Variants in SRCIN1 observed in about 807,000 individuals in gnomAD.
The protein encoded by SRCIN1 is SRC kinase signaling inhibitor 1, also known as P130Cas-associated protein.
Under a neutral mutation model 116.2 loss-of-function variants are expected in SRCIN1, and 50 were observed. The ratio of observed to expected loss-of-function variants is 0.43; its 90% CI spans 0.34 to 0.54. SRCIN1 has a LOEUF of 0.54. Among genes scored for constraint, SRCIN1 ranks in the 20% least tolerant of loss-of-function variants. The pLI is 0.02. For synonymous variants in SRCIN1, 736 were observed against 750.0 expected (o/e 0.98, Z 0.30); for missense variants, 1,446 against 1,672.0 (o/e 0.86, Z 2.36).
Position 38,564,365 on chromosome 17 carries a change from C to CCA in SRCIN1, c.346-53_346-52insTG, listed in dbSNP as rs1555609544. The CCA allele has an allele frequency of 4.8e-6, 7 of 1,445,250 alleles. No individual in the cohort carries two copies. In the African/African-American group the frequency reaches 9.9e-5, roughly 21 times the overall value. The allele number at this position is 1,445,250 out of a possible 1,614,324, so 89.5% of individuals were successfully genotyped here. A position where few individuals can be genotyped will look rare whatever the true frequency, so the allele number is the denominator to read the frequency against. On this transcript the variant is annotated intron_variant, in intron 3 of 18. Transcript: ENST00000617146. The stretch of plus-strand genomic sequence containing the variant: ...AACCAAGGATGAGCACCCCCCCTCC[C>CCA]CTTTGCTTGTCACTGCCCATATCCA...
chr17:38,536,552 C>T (rs566055409), intron 18 of SRCIN1, among the ~76,000 whole-genome samples: 11 of 152,308 alleles, frequency 7.2e-5, no homozygotes, highest in Non-Finnish European at 1.3e-4. Flanking sequence ...TCCATGTTCC[C>T]GAGGCCCTTC....
In SRCIN1 at chr17:38,568,001, A is replaced by G. The variant is rs1410024455; in HGVS notation, c.345+210T>C. Among the ~76,000 whole-genome samples, 1 of 152,158 alleles carries G rather than the reference A, an allele frequency of 6.6e-6. No homozygotes were observed. Among genetic ancestry groups the G allele is most frequent in the Admixed American group, 6.5e-5 (1 of 15,278 alleles). ...CCAGATCCCCAGCAGGGGTGGCCCA[A>G]ACTCCTACTCCATCCACAAGCCCCT... On this transcript the variant is annotated intron_variant, in intron 3 of 18. Transcript: ENST00000617146. This position sits in a 1 kb window ranked among gnomAD's most constrained non-coding sequence, Gnocchi z 4.5.
Position 38,562,274 on chromosome 17 carries a change from GGTT to G in SRCIN1, c.886_888del (p.Asn296del), listed in dbSNP as rs1906323353. On this transcript the variant is annotated inframe_deletion, in exon 7 of 19. Coordinates refer to ENST00000617146, the MANE Select transcript of SRCIN1 (RefSeq NM_025248.3). This position sits in a 1 kb window ranked among gnomAD's most constrained non-coding sequence, Gnocchi z 4.2. Reference sequence around the variant, plus strand: ...GATGCCAGGTGCGGCGCTGGTGACAGGTTGTTGAGGCGCCGCGTGGGCGAGGAC... The same window carrying G: ...GATGCCAGGTGCGGCGCTGGTGACAGGTTGAGGCGCCGCGTGGGCGAGGAC... The G allele has an allele frequency of 8.1e-6, 12 of 1,478,452 alleles. No individual in the cohort carries two copies. Among genetic ancestry groups the G allele is most frequent in the Non-Finnish European group, 9.8e-6 (11 of 1,123,718 alleles). 91.6% of individuals were successfully genotyped at this position (1,478,452 alleles called of 1,614,324 possible). A position where few individuals can be genotyped will look rare whatever the true frequency, so the allele number is the denominator to read the frequency against.
At chr17:38,538,437 T>TA (rs1567849007) in intron 18 of SRCIN1, among the ~76,000 whole-genome samples, 6 of 137,822 alleles carry the variant, frequency 4.4e-5, no homozygotes, top group African/African-American at 1.7e-4. Context: ...AAAAAAATAA[T>TA]AATAATAATA....
chr17:38,562,759 C>T lies in SRCIN1; in HGVS notation c.834+68G>A, dbSNP rs1906359902. ...TGGCCCTGGTTCCAGATGACAACTG[C>T]CCAGACCCTGCTCCCCTGGACCCCA... On this transcript the variant is annotated intron_variant, in intron 6 of 18. Transcript: ENST00000617146. This position sits in a 1 kb window ranked among gnomAD's most constrained non-coding sequence, Gnocchi z 4.2. 2.1e-6 allele frequency: 3 copies of T among 1,420,912 alleles called. No individual in the cohort carries two copies. The African/African-American group carries it at 4.3e-5, about 20-fold the overall frequency. 88.0% of individuals were successfully genotyped at this position (1,420,912 alleles called of 1,614,324 possible).
At chr17:38,592,026 T>A (rs1191604466) in intron 1 of SRCIN1, among the ~76,000 whole-genome samples, 1 of 152,226 alleles carries the variant, frequency 6.6e-6, no homozygotes, top group East Asian at 1.9e-4. Context: ...TGAGGCATAT[T>A]AACCACACAG....
rs1007376528 is a variant in SRCIN1, at chr17:38,572,533, G to T, written c.325-4302C>A. On this transcript the variant is annotated intron_variant, in intron 2 of 18. Transcript: ENST00000617146. The surrounding 1 kb of genome is among the most constrained non-coding windows in gnomAD (Gnocchi z 4.3). ...GGGAGGAGGCGTTTCTCAGGGATCGGGAACCTGCAATGGCCTGGACGTCCC... is the reference window on the plus strand; with the variant it reads ...GGGAGGAGGCGTTTCTCAGGGATCGTGAACCTGCAATGGCCTGGACGTCCC... 39 of 152,214 alleles carry T rather than the reference G, an allele frequency of 2.6e-4. No individual in the cohort carries two copies. The highest frequency in any genetic ancestry group is 8.9e-4 in the African/African-American group (37 of 41,520). 9.4% of individuals were successfully genotyped at this position (152,214 alleles called of 1,614,324 possible).
chr17:38,551,524 G>A (rs752208660), intron 14 of SRCIN1, 135 bp from the exon 15 acceptor site: 161 of 773,880 alleles, frequency 2.1e-4, no homozygotes, highest in Non-Finnish European at 2.9e-4. Context: ...CCTCCAGGAA[G>A]ACACTTTGAC....
In SRCIN1 at chr17:38,558,917, G is replaced by A. The variant is rs1209232869; in HGVS notation, c.2026-515C>T. The stretch of plus-strand genomic sequence containing the variant: ...AGGACTCAAGCGCTGGCATTTGATA[G>A]AGCTTCTATGGCTGGGACAGGAAGA... On this transcript the variant is annotated intron_variant, in intron 10 of 18. Transcript: ENST00000617146. This position sits in a 1 kb window ranked among gnomAD's most constrained non-coding sequence, Gnocchi z 4.6. 1 of 180,576 alleles carries A rather than the reference G, an allele frequency of 5.5e-6. No individual in the cohort carries two copies. The allele number at this position is 180,576 out of a possible 1,614,324, so 11.2% of individuals were successfully genotyped here. A position where few individuals can be genotyped will look rare whatever the true frequency, so the allele number is the denominator to read the frequency against.
chr17:38,533,117 A>G lies in SRCIN1; in HGVS notation c.*180T>C. On this transcript the variant is annotated 3_prime_UTR_variant, in exon 19 of 19. Transcript: ENST00000617146. ...TGTTAAAAAAAAAAAAAAAAACAAA[A>G]CCAAAAACACCAACAGATGATGGGT... is the stretch of plus-strand genomic sequence containing the variant. 1.9e-6 allele frequency: 1 copy of G among 521,866 alleles called. No individual in the cohort carries two copies. Among genetic ancestry groups the G allele is most frequent in the East Asian group, 3.8e-5 (1 of 26,572 alleles). 32.3% of individuals were successfully genotyped at this position (521,866 alleles called of 1,614,324 possible).
chr17:38,549,061 T>C lies in SRCIN1; in HGVS notation c.3112A>G (p.Ile1038Val). 2 of 1,613,282 alleles carry C rather than the reference T, an allele frequency of 1.2e-6. No homozygotes were observed. Reference protein sequence around the residue: ...VVTSKKDSAFIKKAESEELEV... With the variant: ...VVTSKKDSAFVKKAESEELEV... ...GTCTGAGGTGGGAGTGGTACCTTGA[T>C]GAAGGCCGAGTCCTTCTTGCTGGTG... Residue 1038 changes from isoleucine to valine, a missense_variant, in exon 16 of 19, where the codon ATC becomes GTC. Coordinates refer to ENST00000617146, the MANE Select transcript of SRCIN1 (RefSeq NM_025248.3).
At chr17:38,565,596 TCTC>T (rs1293885074) in intron 3 of SRCIN1, among the ~76,000 whole-genome samples, 1 of 152,232 alleles carries the variant, frequency 6.6e-6, no homozygotes, top group Non-Finnish European at 1.5e-5. Flanking sequence ...AATCATTTAT[TCTC>T]CTCTTCAGCT....
chr17:38,601,795 G>GCTTCTCAA lies in SRCIN1; in HGVS notation c.22+3881_22+3888dup, dbSNP rs1909048295. ...AGGCCACTTCCCCGCCCCCAGCTTG[G>GCTTCTCAA]CTTCTCAACCTTCCAGACAGTCCTC... On this transcript the variant is annotated intron_variant, in intron 1 of 18. Coordinates refer to ENST00000617146, the MANE Select transcript of SRCIN1 (RefSeq NM_025248.3). Among the ~76,000 whole-genome samples, 3 of 152,262 alleles carry GCTTCTCAA rather than the reference G, an allele frequency of 2.0e-5. No individual in the cohort carries two copies. In the South Asian group the frequency reaches 6.2e-4, roughly 32 times the overall value.
At chr17:38,577,218 C>A (rs1354793303) in intron 2 of SRCIN1, among the ~76,000 whole-genome samples, 2 of 152,238 alleles carry the variant, frequency 1.3e-5, no homozygotes, top group African/African-American at 2.4e-5. Flanking sequence ...CCCGTCCCAA[C>A]TGACTGTTCC....
chr17:38,605,676 G>T lies in SRCIN1; in HGVS notation c.22+8C>A. 2 of 1,354,284 alleles carry T rather than the reference G, an allele frequency of 1.5e-6. No homozygotes were observed. Among genetic ancestry groups the T allele is most frequent in the South Asian group, 3.6e-5 (2 of 56,112 alleles). 83.9% of individuals were successfully genotyped at this position (1,354,284 alleles called of 1,614,324 possible). On this transcript the variant is annotated splice_region_variant and intron_variant, in intron 1 of 18. Coordinates refer to ENST00000617146, the MANE Select transcript of SRCIN1 (RefSeq NM_025248.3). ...GGCACATTAGGGAGGAGAGAGACAG[G>T]GACATGCCTTGGGACGGAGCGTTCC...
rs1472195473 is a variant in SRCIN1 at position 38,605,706 on chromosome 17, C to A, written c.-1G>T. On this transcript the variant is annotated 5_prime_UTR_variant, in exon 1 of 19. Transcript: ENST00000617146. Reference sequence around the variant, plus strand: ...TGCCTTGGGACGGAGCGTTCCCCATCGGGCGGGGGCGCGGGGGGCGGGGGC... The same window carrying A: ...TGCCTTGGGACGGAGCGTTCCCCATAGGGCGGGGGCGCGGGGGGCGGGGGC... 4 of 1,075,112 alleles carry A rather than the reference C, an allele frequency of 3.7e-6. No homozygotes were observed. The highest frequency in any genetic ancestry group is 5.4e-5 in the Admixed American group (1 of 18,548). The allele number at this position is 1,075,112 out of a possible 1,614,324, so 66.6% of individuals were successfully genotyped here. A position where few individuals can be genotyped will look rare whatever the true frequency, so the allele number is the denominator to read the frequency against.
At chr17:38,600,117 A>T (rs1908940234) in intron 1 of SRCIN1, among the ~76,000 whole-genome samples, 1 of 152,176 alleles carries the variant, frequency 6.6e-6, no homozygotes, top group Non-Finnish European at 1.5e-5. Flanking sequence ...CTTCCTTAAG[A>T]CTAAGTCTAA....
chr17:38,554,217 A>G (rs1040293212), intron 11 of SRCIN1, among the ~76,000 whole-genome samples: 1 of 152,012 alleles, frequency 6.6e-6, no homozygotes, highest in African/African-American at 2.4e-5. Flanking sequence ...TCTCAAAAAA[A>G]AAAAAAAGAG....
At chr17:38,560,189 C>T in intron 8 of SRCIN1, 92 bp from the exon 9 acceptor site, 1 of 1,407,080 alleles carries the variant, frequency 7.1e-7, no homozygotes, top group Non-Finnish European at 9.6e-7. Context: ...TCCTCCAGCT[C>T]TCCGATCTCA....
Sources: allele counts gnomAD v4.1 joint callset (sites outside exome capture counted in the v4.1 genomes callset), GRCh38; gene constraint gnomAD v4.1.1; non-coding constraint Gnocchi (gnomAD v3.1); transcripts MANE v1.5; gene names NCBI Gene and HGNC (gene_info 2026-07-23, HGNC 2026-07-21).